Variants in CDH4 observed in about 807,000 individuals in gnomAD.
CDH4 encodes the protein cadherin-4.
Under a neutral mutation model 86.0 loss-of-function variants are expected in CDH4, and 33 were observed. That is an observed-to-expected ratio of 0.38 (90% CI 0.29 to 0.51). CDH4 has a LOEUF of 0.51. Among genes scored for constraint, CDH4 ranks in the 20% least tolerant of loss-of-function variants. The pLI is 0.86. For missense variants in CDH4, 1,114 were observed against 1,307.4 expected, an observed-to-expected ratio of 0.85 and a Z score of 2.28; for synonymous variants, 555 against 549.4, an observed-to-expected ratio of 1.01 and a Z score of -0.14.
intron 2 of CDH4, among the ~76,000 whole-genome samples, chr20:61,713,481 G>C (rs2145901664): frequency 6.6e-6 from 1 of 152,362 alleles, no homozygotes; most frequent in African/African-American, 2.4e-5. Context: ...GGGAAATCTT[G>C]GAATTCATCA....
At chr20:61,545,679 T>C (rs1247130216) in intron 2 of CDH4, among the ~76,000 whole-genome samples, 1 of 152,224 alleles carries the variant, frequency 6.6e-6, no homozygotes, top group Non-Finnish European at 1.5e-5. Context: ...CTTTGGCAAC[T>C]GGTGCCGCTC....
intron 2 of CDH4, chr20:61,434,765 A>C (rs1195310340): frequency 1.3e-5 from 2 of 152,184 alleles, no homozygotes; most frequent in African/African-American, 2.4e-5. Flanking sequence ...CCAGGCAGAC[A>C]GGACCAGGCC....
intron 4 of CDH4, among the ~76,000 whole-genome samples, chr20:61,803,304 C>T (rs1461953155): frequency 2.6e-5 from 4 of 152,272 alleles, no homozygotes; most frequent in South Asian, 2.1e-4. Flanking sequence ...CAGAGAAGTG[C>T]GGCCAGAGAG....
In CDH4 at chr20:61,934,256, G is replaced by T. The variant is rs755174467; in HGVS notation, c.2544+36G>T. On this transcript the variant is annotated intron_variant, in intron 15 of 15. Transcript: ENST00000614565. ...CTCGGCAGTGGGGGGCCCGGGCAAG[G>T]TGTCTCCTCTAAAAATTAAATTCTG... is the stretch of plus-strand genomic sequence containing the variant. 5 of 1,501,350 alleles carry T rather than the reference G, an allele frequency of 3.3e-6. No homozygotes were observed. The South Asian group carries it at 5.3e-5, about 16-fold the overall frequency. The allele number at this position is 1,501,350 out of a possible 1,614,324, so 93.0% of individuals were successfully genotyped here.
At chr20:61,624,997 C>G (rs1022208246) in intron 2 of CDH4, among the ~76,000 whole-genome samples, 8 of 152,178 alleles carry the variant, frequency 5.3e-5, no homozygotes, top group Non-Finnish European at 1.0e-4. Flanking sequence ...TAATTATAAT[C>G]GCAGACACAT....
chr20:61,756,089 T>C (rs2088561578), intron 3 of CDH4, among the ~76,000 whole-genome samples: 3 of 152,190 alleles, frequency 2.0e-5, no homozygotes, highest in Admixed American at 1.3e-4. Flanking sequence ...TCATGCCTTC[T>C]CCTCTGCACA....
chr20:61,823,699 G>T (rs1332368190), intron 4 of CDH4, among the ~76,000 whole-genome samples: 1 of 152,164 alleles, frequency 6.6e-6, no homozygotes, highest in East Asian at 1.9e-4. Context: ...CCGTGAATTT[G>T]TATATTTTGA....
At position 61,718,489 on chromosome 20, in the gene CDH4, C is replaced by T. The variant is rs145650425; in HGVS notation, c.170-25074C>T. 1,806 of 273,908 alleles carry T rather than the reference C, an allele frequency of 6.6e-3. 32 individuals carry two copies. Among genetic ancestry groups the T allele is most frequent in the South Asian group, 0.031 (732 of 23,350 alleles). The allele number at this position is 273,908 out of a possible 1,614,324, so 17.0% of individuals were successfully genotyped here. Reference sequence around the variant, plus strand: ...TGCTAAGGCTGACGCTGGTTAGAGGCAGTGCCAGGACAGTGCCGTCCCATA... The same window carrying T: ...TGCTAAGGCTGACGCTGGTTAGAGGTAGTGCCAGGACAGTGCCGTCCCATA... On this transcript the variant is annotated intron_variant, in intron 2 of 15. Coordinates refer to ENST00000614565, the MANE Select transcript of CDH4 (RefSeq NM_001794.5).
At chr20:61,552,554 T>C (rs1444929030) in intron 2 of CDH4, among the ~76,000 whole-genome samples, 3 of 151,932 alleles carry the variant, frequency 2.0e-5, no homozygotes, top group Non-Finnish European at 4.4e-5. Context: ...ACAAAAATTA[T>C]CTGGGCGTGG....
intron 4 of CDH4, among the ~76,000 whole-genome samples, chr20:61,830,169 A>G (rs572527876): frequency 3.2e-5 from 3 of 93,300 alleles, no homozygotes; most frequent in African/African-American, 1.2e-4. Context: ...CCCCGCCCCC[A>G]GGTGAAATTG....
At chr20:61,632,561 G>A (rs906827764) in intron 2 of CDH4, among the ~76,000 whole-genome samples, 1 of 151,954 alleles carries the variant, frequency 6.6e-6, no homozygotes, top group Non-Finnish European at 1.5e-5. Flanking sequence ...GGGCTGGGTG[G>A]TCTCTCCTTT....
At chr20:61,742,128 C>CA (rs11392988) in intron 2 of CDH4, among the ~76,000 whole-genome samples, 10,361 of 140,028 alleles carry the variant, frequency 0.074, 619 homozygotes, top group African/African-American at 0.18. Context: ...CCTGTCACTT[C>CA]AAAAAAAAAA....
chr20:61,838,715 T>C (rs569294218), intron 4 of CDH4, among the ~76,000 whole-genome samples: 2 of 151,204 alleles, frequency 1.3e-5, no homozygotes, highest in African/African-American at 4.9e-5. Context: ...TCCCAACTAC[T>C]TGGGAGGTTG....
intron 2 of CDH4, among the ~76,000 whole-genome samples, chr20:61,692,273 CTT>C (rs568356157): frequency 1.0e-3 from 156 of 148,838 alleles, no homozygotes; most frequent in African/African-American, 3.5e-3. Context: ...GTATGTGTGT[CTT>C]TGTGTGTGTG....
At chr20:61,563,649 C>T (rs1041659791) in intron 2 of CDH4, among the ~76,000 whole-genome samples, 1 of 152,202 alleles carries the variant, frequency 6.6e-6, no homozygotes, top group Non-Finnish European at 1.5e-5. Flanking sequence ...CTCCATGGGT[C>T]CTCGCTAGGC....
chr20:61,772,976 C>T (rs2088793026), intron 3 of CDH4, 27 bp from the exon 4 acceptor site: 1 of 1,592,096 alleles, frequency 6.3e-7, no homozygotes. Flanking sequence ...GACTTCTCTG[C>T]CTCTTCTCTC....
intron 2 of CDH4, among the ~76,000 whole-genome samples, chr20:61,281,119 C>T (rs115744250): frequency 0.015 from 2,217 of 152,290 alleles, 52 homozygotes; most frequent in African/African-American, 0.05. Flanking sequence ...GAATTCGGGA[C>T]AGCCCAGACG....
intron 2 of CDH4, chr20:61,499,403 T>C: frequency 1.6e-6 from 2 of 1,247,374 alleles, no homozygotes; most frequent in Non-Finnish European, 2.1e-6. Flanking sequence ...GGGACTGGGG[T>C]GCAGGTGTGC....
chr20:61,483,184 G>A (rs893611671), intron 2 of CDH4, among the ~76,000 whole-genome samples: 1 of 152,212 alleles, frequency 6.6e-6, no homozygotes, highest in African/African-American at 2.4e-5. Context: ...CAAGATGAGT[G>A]ATGAAAAGAG....
Sources: gnomAD v4.1 joint callset for allele counts (sites outside exome capture counted in the v4.1 genomes callset) on GRCh38, gnomAD v4.1.1 for gene constraint, MANE v1.5 for transcripts, NCBI Gene and HGNC (gene_info 2026-07-23, HGNC 2026-07-21) for gene names.